MAST2: variants seen among roughly 807,000 people sequenced by gnomAD.
MAST2 encodes the protein microtubule associated serine/threonine kinase 2, also known as microtubule-associated serine/threonine-protein kinase 2.
A neutral mutation model predicts 147.4 loss-of-function variants in MAST2; 70 were observed. That is an observed-to-expected ratio of 0.47 (90% confidence interval 0.39 to 0.58). The LOEUF (loss-of-function observed/expected upper bound fraction) is 0.58. Ranked by LOEUF, MAST2 falls within the 20% of genes least tolerant of loss-of-function variation. The pLI is 0.00. For missense variants in MAST2, 2,080 were observed against 2,302.3 expected (o/e 0.90, Z 1.98); for synonymous variants, 869 against 896.8 (o/e 0.97, Z 0.55).
intron 6 of MAST2, 143 bp downstream of exon 6, chr1:45,997,942 G>T (rs1645124158): frequency 4.1e-6 from 3 of 733,920 alleles, no homozygotes; most frequent in Non-Finnish European, 4.7e-6. Context: ...CTCTGTCTTT[G>T]CTTTCCTCTC....
intron 5 of MAST2, among the ~76,000 whole-genome samples, chr1:45,973,178 A>G (rs1643991111): frequency 6.6e-6 from 1 of 152,012 alleles, no homozygotes; most frequent in South Asian, 2.1e-4. Context: ...GTGAGCTGTA[A>G]TGTGTTATTC....
chr1:45,932,325 C>A (rs1655446451), intron 4 of MAST2, among the ~76,000 whole-genome samples: 1 of 152,112 alleles, frequency 6.6e-6, no homozygotes, highest in Non-Finnish European at 1.5e-5. Flanking sequence ...GGCATTTCAC[C>A]ATAGCAAAAG....
intron 5 of MAST2, among the ~76,000 whole-genome samples, chr1:45,990,680 C>T (rs1231622933): frequency 6.6e-6 from 1 of 152,118 alleles, no homozygotes; most frequent in African/African-American, 2.4e-5. Context: ...GAGACAAGAT[C>T]TCCCTGTATT....
intron 4 of MAST2, among the ~76,000 whole-genome samples, chr1:45,927,123 G>A (rs1654500291): frequency 6.6e-6 from 1 of 152,156 alleles, no homozygotes; most frequent in Non-Finnish European, 1.5e-5. Context: ...CAAAAGGGGA[G>A]GGAGTGTGCG....
chr1:45,951,627 G>GA (rs1197940160), intron 4 of MAST2, among the ~76,000 whole-genome samples: 5 of 151,744 alleles, frequency 3.3e-5, no homozygotes, highest in Non-Finnish European at 7.4e-5. Context: ...AGAAACAAGA[G>GA]AAAAAAAGAC....
chr1:45,841,596 G>A (rs4606257), intron 3 of MAST2, among the ~76,000 whole-genome samples: 43,310 of 151,964 alleles, frequency 0.29, 6,310 homozygotes, highest in South Asian at 0.39. Flanking sequence ...CATGTTGTGC[G>A]GGCTAGTCTC....
intron 10 of MAST2, among the ~76,000 whole-genome samples, chr1:46,013,432 G>T (rs1338378646): frequency 2.6e-5 from 4 of 152,130 alleles, no homozygotes; most frequent in Non-Finnish European, 1.5e-5. Flanking sequence ...TGTAATCCCA[G>T]CACTTTGGGA....
At chr1:45,883,542 CT>C (rs1646936796) in intron 4 of MAST2, among the ~76,000 whole-genome samples, 1 of 152,152 alleles carries the variant, frequency 6.6e-6, no homozygotes, top group Non-Finnish European at 1.5e-5. Context: ...GTTGCCTTAT[CT>C]ATAAAATGAA....
At chr1:46,013,049 A>G (rs778750413) in intron 10 of MAST2, among the ~76,000 whole-genome samples, 1 of 152,030 alleles carries the variant, frequency 6.6e-6, no homozygotes, top group African/African-American at 2.4e-5. Flanking sequence ...GTATCATCCA[A>G]TGTGACAAAT....
chr1:46,031,298 C>A lies in MAST2; in HGVS notation c.2992+8C>A. ...GCAGTGGTTCCAGTCCAGGTATGGC[C>A]CAGTGGGCGGCCAAACGACCTAAGC... is the stretch of plus-strand genomic sequence containing the variant. On this transcript the variant is annotated splice_region_variant and intron_variant, in intron 23 of 28. Transcript: ENST00000361297. This position sits in a 1 kb window ranked among gnomAD's most constrained non-coding sequence, Gnocchi z 4.1. The A allele has an allele frequency of 6.5e-7, 1 of 1,542,290 alleles. No individual in the cohort carries two copies.
chr1:45,911,852 TATATTATTATTA>T (rs1416574500), intron 4 of MAST2, among the ~76,000 whole-genome samples: 12 of 129,546 alleles, frequency 9.3e-5, no homozygotes, highest in Admixed American at 4.2e-4. Flanking sequence ...TTATTATTGT[TATATTATTATTA>T]TTATTATTAT....
chr1:45,848,190 C>T (rs1007099468), intron 3 of MAST2, among the ~76,000 whole-genome samples: 1 of 152,126 alleles, frequency 6.6e-6, no homozygotes, highest in Admixed American at 6.5e-5. Context: ...TACAATAAAC[C>T]ATTAATATAG....
intron 4 of MAST2, among the ~76,000 whole-genome samples, chr1:45,911,764 A>G (rs1055338888): frequency 6.6e-6 from 1 of 150,682 alleles, no homozygotes; most frequent in African/African-American, 2.4e-5. Context: ...GTACTACATG[A>G]ATATTAATGT....
chr1:45,845,192 C>A (rs757235022), intron 3 of MAST2, among the ~76,000 whole-genome samples: 1 of 152,006 alleles, frequency 6.6e-6, no homozygotes, highest in African/African-American at 2.4e-5. Context: ...CATGGGAGAA[C>A]GTTTATGCAA....
chr1:45,829,397 A>G (rs1644885587), intron 2 of MAST2, 42 bp from the exon 3 acceptor site: 2 of 1,556,866 alleles, frequency 1.3e-6, no homozygotes, highest in Non-Finnish European at 1.8e-6. Flanking sequence ...TTGTTTATCA[A>G]TAAATAATTA....
chr1:45,861,873 G>A (rs1237725929), intron 3 of MAST2, among the ~76,000 whole-genome samples: 2 of 152,154 alleles, frequency 1.3e-5, no homozygotes, highest in African/African-American at 4.8e-5. Flanking sequence ...TTCCTACAAA[G>A]GGTACCAGTT....
intron 6 of MAST2, chr1:46,001,078 G>A (rs1278329119): frequency 1.0e-6 from 1 of 957,214 alleles, no homozygotes; most frequent in Non-Finnish European, 1.5e-6. Flanking sequence ...TGGTTGTGAT[G>A]ATTCTTCTCT....
At chr1:45,887,632 A>G (rs1162836966) in intron 4 of MAST2, among the ~76,000 whole-genome samples, 2 of 152,306 alleles carry the variant, frequency 1.3e-5, no homozygotes, top group East Asian at 3.9e-4. Flanking sequence ...GTACTTTCCC[A>G]TTCTGATGCA....
chr1:45,892,213 A>G (rs988605816), intron 4 of MAST2, among the ~76,000 whole-genome samples: 1 of 152,200 alleles, frequency 6.6e-6, no homozygotes, highest in African/African-American at 2.4e-5. Context: ...GCCCTATTCA[A>G]ATAACCATAT....
Sources: gnomAD v4.1 joint callset for allele counts (sites outside exome capture counted in the v4.1 genomes callset) on GRCh38, gnomAD v4.1.1 for gene constraint, Gnocchi (gnomAD v3.1) non-coding constraint, MANE v1.5 for transcripts, NCBI Gene and HGNC (gene_info 2026-07-23, HGNC 2026-07-21) for gene names.